Variants in ASB17 observed in about 807,000 individuals in gnomAD.
ASB17 encodes ankyrin repeat and SOCS box protein 17.
Under a neutral mutation model 25.7 loss-of-function variants are expected in ASB17, and 26 were observed. That is an observed-to-expected ratio of 1.01 (90% CI 0.74 to 1.40). ASB17 has a LOEUF of 1.40. ASB17 is among the 40% of genes most tolerant of loss of function. The pLI, the probability that ASB17 is intolerant of heterozygous loss-of-function variation, is 0.00. For missense variants in ASB17, 326 were observed against 338.5 expected (o/e 0.96, Z 0.29); for synonymous variants, 128 against 121.4 (o/e 1.05, Z -0.36).
intron 1 of ASB17, among the ~76,000 whole-genome samples, chr1:75,931,006 G>T (rs187304666): frequency 6.6e-6 from 1 of 152,138 alleles, no homozygotes; most frequent in Non-Finnish European, 1.5e-5. Flanking sequence ...AAATCCAGTG[G>T]TTCTCCGATA....
chr1:75,930,813 G>A (rs911900813), intron 1 of ASB17, among the ~76,000 whole-genome samples: 1 of 151,940 alleles, frequency 6.6e-6, no homozygotes, highest in Non-Finnish European at 1.5e-5. Flanking sequence ...GACCTTCCAG[G>A]GCTGTAGACA....
intron 1 of ASB17, among the ~76,000 whole-genome samples, chr1:75,929,441 G>A (rs1255924234): frequency 2.6e-5 from 4 of 151,026 alleles, no homozygotes; most frequent in Non-Finnish European, 3.0e-5. Context: ...CCATGGTCTC[G>A]ATCTCCTGAC....
intron 2 of ASB17, among the ~76,000 whole-genome samples, chr1:75,920,235 A>G (rs1652991467): frequency 6.6e-6 from 1 of 152,210 alleles, no homozygotes; most frequent in Non-Finnish European, 1.5e-5. Flanking sequence ...AAGGTCTAGA[A>G]AGGCATCTTT....
intron 1 of ASB17, among the ~76,000 whole-genome samples, chr1:75,927,655 C>T (rs529544220): frequency 6.6e-6 from 1 of 152,142 alleles, no homozygotes; most frequent in South Asian, 2.1e-4. Context: ...AACCACCCCC[C>T]TTTAAAAAAA....
chr1:75,922,293 C>T lies in ASB17; in HGVS notation c.468G>A (p.Gln156=). 1 of 1,613,220 alleles carries T rather than the reference C, an allele frequency of 6.2e-7. No homozygotes were observed. The highest frequency in any genetic ancestry group is 1.1e-5 in the South Asian group (1 of 91,050). Residue 156 remains glutamine (Q), a synonymous_variant, in exon 2 of 3, where the codon CAG becomes CAA. Transcript: ENST00000284142. ...TTTTGAAGATATTAGACTGTCTTGT[C>T]TGAGCTACATAAAAGAGAGGTGTGA... ...SGITPLFYVA[Q]TRQSNIFKIL...
chr1:75,922,219 A>G lies in ASB17; in HGVS notation c.542T>C (p.Ile181Thr). ...ILEREKNPIN[I>T]VLTIVLYPSR... ...AGGGTAGAGTACTATTGTTAAGACAATGTTGATAGGGTTTTTTTCTCTTTC... is the reference window on the plus strand; with the variant it reads ...AGGGTAGAGTACTATTGTTAAGACAGTGTTGATAGGGTTTTTTTCTCTTTC... Residue 181 changes from isoleucine to threonine, a missense_variant, in exon 2 of 3, where the codon ATT becomes ACT. Coordinates refer to ENST00000284142, the MANE Select transcript of ASB17 (RefSeq NM_080868.3). 1.2e-6 allele frequency: 2 copies of G among 1,613,830 alleles called. No individual in the cohort carries two copies. Among genetic ancestry groups the G allele is most frequent in the Non-Finnish European group, 1.7e-6 (2 of 1,179,818 alleles).
intron 2 of ASB17, among the ~76,000 whole-genome samples, 161 bp downstream of exon 2, chr1:75,921,917 CTG>C (rs909745749): frequency 5.3e-5 from 8 of 152,008 alleles, no homozygotes; most frequent in Non-Finnish European, 1.2e-4. Flanking sequence ...AAGTAAAGGA[CTG>C]TTTGAGATTT....
At chr1:75,925,890 A>G (rs1225398313) in intron 1 of ASB17, among the ~76,000 whole-genome samples, 1 of 152,110 alleles carries the variant, frequency 6.6e-6, no homozygotes, top group Non-Finnish European at 1.5e-5. Flanking sequence ...TCTTAAAACT[A>G]TGTTTTCCTT....
intron 2 of ASB17, among the ~76,000 whole-genome samples, 188 bp downstream of exon 2, chr1:75,921,892 T>A (rs1653036450): frequency 6.6e-6 from 1 of 152,096 alleles, no homozygotes; most frequent in African/African-American, 2.4e-5. Context: ...TCTTTCATAT[T>A]TCTAAAAACA....
Position 75,932,392 on chromosome 1 carries a change from A to G in ASB17, c.-101T>C, listed in dbSNP as rs1335278286. On this transcript the variant is annotated 5_prime_UTR_variant, in exon 1 of 3. Transcript: ENST00000284142. ...ATGTGGCAGGCTTTACTCCACAAAC[A>G]GAAGTGCCCTTTAAACTGTAACCAG... 2 of 1,086,762 alleles carry G rather than the reference A, an allele frequency of 1.8e-6. No homozygotes were observed. The highest frequency in any genetic ancestry group is 1.3e-6 in the Non-Finnish European group (1 of 760,812). The allele number at this position is 1,086,762 out of a possible 1,614,324, so 67.3% of individuals were successfully genotyped here. A position where few individuals can be genotyped will look rare whatever the true frequency, so the allele number is the denominator to read the frequency against.
chr1:75,924,895 C>G lies in ASB17; in HGVS notation c.402-2536G>C, dbSNP rs1486805950. The stretch of plus-strand genomic sequence containing the variant: ...GTTTTGTGAACTCTTCTTTGATTAC[C>G]CTGATATATCTCATACTCCTCAGGG... On this transcript the variant is annotated intron_variant, in intron 1 of 2. Transcript: ENST00000284142. 2.0e-5 allele frequency among the ~76,000 whole-genome samples: 3 copies of G among 151,820 alleles called. No individual in the cohort carries two copies. In the East Asian group the frequency reaches 5.8e-4, roughly 29 times the overall value.
Position 75,919,122 on chromosome 1 carries a change from T to C in ASB17, c.718A>G (p.Asn240Asp), listed in dbSNP as rs1446828459. 4 of 1,612,774 alleles carry C rather than the reference T, an allele frequency of 2.5e-6. No individual in the cohort carries two copies. Among genetic ancestry groups the C allele is most frequent in the African/African-American group, 2.7e-5 (2 of 74,902 alleles). Reference sequence around the variant, plus strand: ...GTTGAAGGAATGTAATCAAACCAATTTGAAATAATTGGATGTCTTCCTAAA... The same window carrying C: ...GTTGAAGGAATGTAATCAAACCAATCTGAAATAATTGGATGTCTTCCTAAA... ...LSLGRHPIIS[N>D]WFDYIPSTRY... Residue 240 changes from asparagine to aspartate, a missense_variant, in exon 3 of 3, where the codon AAT becomes GAT. By Grantham distance (23) the Asn-to-Asp change is conservative (BLOSUM62 1). Transcript: ENST00000284142.
intron 1 of ASB17, among the ~76,000 whole-genome samples, chr1:75,923,733 T>C (rs1653092643): frequency 6.6e-6 from 1 of 152,194 alleles, no homozygotes. Context: ...GGAGGCAGCA[T>C]GGTATAAACA....
At chr1:75,927,844 T>C (rs888107248) in intron 1 of ASB17, among the ~76,000 whole-genome samples, 3 of 152,196 alleles carry the variant, frequency 2.0e-5, no homozygotes, top group Admixed American at 2.0e-4. Context: ...GGCCAGGCAT[T>C]ACCCATGGTG....
chr1:75,923,401 T>G (rs1332234463), intron 1 of ASB17, among the ~76,000 whole-genome samples: 3 of 152,278 alleles, frequency 2.0e-5, no homozygotes, highest in East Asian at 3.9e-4. Context: ...TTTTAAATGG[T>G]ATATACTTCT....
intron 1 of ASB17, among the ~76,000 whole-genome samples, chr1:75,924,559 G>T (rs1409500482): frequency 6.6e-6 from 1 of 151,932 alleles, no homozygotes; most frequent in African/African-American, 2.4e-5. Flanking sequence ...TATAGAAAGA[G>T]AAAGGATATA....
At chr1:75,929,213 ATTTATTTATTTATTTT>A (rs1557545300) in intron 1 of ASB17, among the ~76,000 whole-genome samples, 4 of 151,020 alleles carry the variant, frequency 2.6e-5, no homozygotes, top group Non-Finnish European at 5.9e-5. Context: ...ATTTTTTTTT[ATTTATTTATTTATTTT>A]TTTTTATTTT....
rs1457644997 is a variant in ASB17 at position 75,919,085 on chromosome 1, T to A, written c.755A>T (p.Asp252Val). The A allele has an allele frequency of 1.2e-6, 2 of 1,612,878 alleles. No homozygotes were observed. The highest frequency in any genetic ancestry group is 2.2e-5 in the East Asian group (1 of 44,720). Reference protein sequence around the residue: ...FDYIPSTRYKDPCELLHLCRL... With the variant: ...FDYIPSTRYKVPCELLHLCRL... ...GCAAAGATGTAATAGTTCACATGGA[T>A]CTTTGTATCTTGTTGAAGGAATGTA... Residue 252 changes from aspartate (D) to valine (V), a missense_variant, in exon 3 of 3, where the codon GAT becomes GTT. Physicochemically the swap from Asp to Val is radical, Grantham distance 152. Coordinates refer to ENST00000284142, the MANE Select transcript of ASB17 (RefSeq NM_080868.3).
chr1:75,927,420 T>C (rs1031264362), intron 1 of ASB17, among the ~76,000 whole-genome samples: 1 of 152,174 alleles, frequency 6.6e-6, no homozygotes, highest in Admixed American at 6.5e-5. Flanking sequence ...TTACCGTGTC[T>C]TGTAATTCTG....
Sources: gnomAD v4.1 joint callset for allele counts (sites outside exome capture counted in the v4.1 genomes callset) on GRCh38, gnomAD v4.1.1 for gene constraint, MANE v1.5 for transcripts, NCBI Gene and HGNC (gene_info 2026-07-23, HGNC 2026-07-21) for gene names.